The following PLA2G6 variants were observed in gnomAD, a reference collection of about 807,000 sequenced individuals.
PLA2G6 encodes the protein 85/88 kDa calcium-independent phospholipase A2.
PLA2G6 carries 62 observed loss-of-function variants against 83.8 expected under a neutral mutation model. The ratio of observed to expected loss-of-function variants is 0.74; its 90% CI spans 0.60 to 0.91. The LOEUF (loss-of-function observed/expected upper bound fraction) is 0.91. PLA2G6 is among the 40% of genes least tolerant of loss of function. The probability of loss-of-function intolerance (pLI) is 0.00; values close to 1 mark genes in which losing one functional copy is unlikely to be tolerated. For missense variants in PLA2G6, 944 were observed against 1,102.0 expected (o/e 0.86, Z 2.03); for synonymous variants, 417 against 449.8 (o/e 0.93, Z 0.92).
At chr22:38,174,920 C>A (rs4383) in intron 1 of PLA2G6, among the ~76,000 whole-genome samples, 2 of 151,862 alleles carry the variant, frequency 1.3e-5, no homozygotes, top group African/African-American at 4.8e-5. Context: ...AGCCAAGCCC[C>A]GGAAGAAGTG....
intron 2 of PLA2G6, chr22:38,148,737 C>T: frequency 5.7e-6 from 3 of 528,718 alleles, no homozygotes; most frequent in African/African-American, 2.0e-5. Flanking sequence ...ACAGAGACCA[C>T]AGTTCAGCCT....
chr22:38,115,393 C>T lies in PLA2G6; in HGVS notation c.2034+134G>A, dbSNP rs1036681144. ...CAGGTTCCAGTGAGATCAATTTGCC[C>T]TGTGTGCACATATGAATGAGTGCGT... is the stretch of plus-strand genomic sequence containing the variant. On this transcript the variant is annotated intron_variant, in intron 14 of 16. Transcript: ENST00000332509. 14 of 778,072 alleles carry T rather than the reference C, an allele frequency of 1.8e-5. No homozygotes were observed. The Admixed American group carries it at 2.0e-4, about 11-fold the overall frequency. The allele number at this position is 778,072 out of a possible 1,614,324, so 48.2% of individuals were successfully genotyped here. A position where few individuals can be genotyped will look rare whatever the true frequency, so the allele number is the denominator to read the frequency against.
At chr22:38,152,573 T>C (rs1175226734) in intron 2 of PLA2G6, among the ~76,000 whole-genome samples, 1 of 152,196 alleles carries the variant, frequency 6.6e-6, no homozygotes, top group Non-Finnish European at 1.5e-5. Context: ...TTTCTTGCCA[T>C]GTGACACTGG....
At chr22:38,164,856 C>G (rs1386729100) in intron 2 of PLA2G6, among the ~76,000 whole-genome samples, 1 of 152,160 alleles carries the variant, frequency 6.6e-6, no homozygotes, top group African/African-American at 2.4e-5. Context: ...TCCAGTGCAC[C>G]AGGCCTGCTC....
rs536842088 is a variant in PLA2G6, at chr22:38,128,894, C to G, written c.1187-464G>C. Among the ~76,000 whole-genome samples the G allele has an allele frequency of 6.2e-4, 95 of 152,374 alleles. 2 individuals carry two copies. In the South Asian group the frequency reaches 0.019, roughly 31 times the overall value. On this transcript the variant is annotated intron_variant, in intron 8 of 16. Coordinates refer to ENST00000332509, the MANE Select transcript of PLA2G6 (RefSeq NM_003560.4). The surrounding 1 kb of genome is among the most constrained non-coding windows in gnomAD (Gnocchi z 4.4). Reference sequence around the variant, plus strand: ...AGACACACACGTGTGCACTGGCACACACACACTGCTGCCATCAGGTACCTG... The same window carrying G: ...AGACACACACGTGTGCACTGGCACAGACACACTGCTGCCATCAGGTACCTG...
intron 1 of PLA2G6, among the ~76,000 whole-genome samples, chr22:38,175,137 G>A (rs956067739): frequency 9.2e-5 from 14 of 152,142 alleles, no homozygotes; most frequent in African/African-American, 3.4e-4. Flanking sequence ...CCCTTTGGAA[G>A]GTCTGTGTGA....
chr22:38,165,682 G>C (rs1008420376), intron 2 of PLA2G6, among the ~76,000 whole-genome samples: 6 of 152,034 alleles, frequency 3.9e-5, no homozygotes, highest in African/African-American at 1.2e-4. Context: ...GACCATCCTG[G>C]CTAAGAGTAG....
At chr22:38,130,193 G>C (rs1247373913) in intron 7 of PLA2G6, 2 of 181,656 alleles carry the variant, frequency 1.1e-5, no homozygotes, top group Non-Finnish European at 2.4e-5. Context: ...TCCCTGCCTA[G>C]AGAATGAAGC....
intron 1 of PLA2G6, among the ~76,000 whole-genome samples, chr22:38,172,838 AC>A (rs1214732652): frequency 6.6e-6 from 1 of 152,054 alleles, no homozygotes; most frequent in Non-Finnish European, 1.5e-5. Flanking sequence ...CAGCCTGTGT[AC>A]CCCCCACCAG....
At position 38,139,745 on chromosome 22, in the gene PLA2G6, TAA is replaced by T. The variant is rs201599183; in HGVS notation, c.797+235_797+236del. 1.8e-3 allele frequency: 958 copies of T among 531,744 alleles called. 7 individuals are homozygous for T. Among genetic ancestry groups the T allele is most frequent in the African/African-American group, 0.017 (899 of 52,560 alleles). The allele number at this position is 531,744 out of a possible 1,614,324, so 32.9% of individuals were successfully genotyped here. A position where few individuals can be genotyped will look rare whatever the true frequency, so the allele number is the denominator to read the frequency against. ...ACACCGCGCCCAGCCAGAAAAATTTTAAAGTCTCCTCCTTGCACAGCTGAACT... is the reference window on the plus strand; with the variant it reads ...ACACCGCGCCCAGCCAGAAAAATTTTAGTCTCCTCCTTGCACAGCTGAACT... On this transcript the variant is annotated intron_variant, in intron 5 of 16. Coordinates refer to ENST00000332509, the MANE Select transcript of PLA2G6 (RefSeq NM_003560.4).
rs770332365 is a variant in PLA2G6 at position 38,132,981 on chromosome 22, G to A, written c.927C>T (p.Asn309=). Residue 309 remains asparagine, a synonymous_variant, in exon 7 of 17, where the codon AAC becomes AAT. Coordinates refer to ENST00000332509, the MANE Select transcript of PLA2G6 (RefSeq NM_003560.4). This position sits in a 1 kb window ranked among gnomAD's most constrained non-coding sequence, Gnocchi z 5.0. ...TCCCCGCGGAGCTGGTGCTGTTCAC[G>A]TTGCAGCCCCGTTTCAGCAGCATGC... ...MARMLLKRGC[N]VNSTSSAGNT... 1.4e-5 allele frequency: 22 copies of A among 1,567,692 alleles called. No homozygotes were observed. The highest frequency in any genetic ancestry group is 7.1e-5 in the East Asian group (3 of 42,416).
chr22:38,145,592 G>A lies in PLA2G6; in HGVS notation c.271C>T (p.Leu91=). 6.2e-7 allele frequency: 1 copy of A among 1,613,898 alleles called. No individual in the cohort carries two copies. The highest frequency in any genetic ancestry group is 8.5e-7 in the Non-Finnish European group (1 of 1,179,902). The part of the protein sequence containing the change: ...LVNFHQYSSQ[L]LPFYESSPQV... ...GGGGAGCTCTCATAGAAGGGTAGCA[G>A]CTGGGAAGAATACTGATGGAAATTC... Residue 91 remains leucine, a synonymous_variant, in exon 3 of 17, where the codon CTG becomes TTG. Transcript: ENST00000332509.
At chr22:38,116,476 C>T (rs1297696404) in intron 12 of PLA2G6, 3 of 633,130 alleles carry the variant, frequency 4.7e-6, no homozygotes. Context: ...AAACCTGTTG[C>T]AAGACTGATA....
intron 3 of PLA2G6, chr22:38,144,917 CA>C (rs2089156726): frequency 3.2e-6 from 1 of 309,262 alleles, no homozygotes; most frequent in South Asian, 2.8e-5. Context: ...TGGGAAAATT[CA>C]ATTTCATGGT....
chr22:38,161,355 C>T (rs1046591573), intron 2 of PLA2G6, among the ~76,000 whole-genome samples: 2 of 152,134 alleles, frequency 1.3e-5, no homozygotes, highest in Non-Finnish European at 2.9e-5. Flanking sequence ...ATGGCAGAGA[C>T]AGATCATCTC....
At chr22:38,174,311 T>C (rs1355828287) in intron 1 of PLA2G6, among the ~76,000 whole-genome samples, 1 of 151,954 alleles carries the variant, frequency 6.6e-6, no homozygotes, top group African/African-American at 2.4e-5. Flanking sequence ...GGCAGGAGAA[T>C]GGCGTGAACC....
chr22:38,127,158 A>C, intron 9 of PLA2G6: 2 of 1,152,930 alleles, frequency 1.7e-6, no homozygotes, highest in Non-Finnish European at 2.2e-6. Context: ...ACAGCCCCCC[A>C]CCACTGTGCA....
intron 10 of PLA2G6, among the ~76,000 whole-genome samples, chr22:38,124,013 T>G (rs1602100323): frequency 6.6e-6 from 1 of 152,072 alleles, no homozygotes; most frequent in Non-Finnish European, 1.5e-5. Flanking sequence ...TTTTGTATTT[T>G]TAATAGAGAC....
intron 1 of PLA2G6, 62 bp from the exon 2 acceptor site, chr22:38,169,533 G>T: frequency 1.1e-6 from 1 of 945,418 alleles, no homozygotes; most frequent in African/African-American, 1.6e-5. Flanking sequence ...CTCACCCAGT[G>T]CAGCGGTTTC....
Sources: allele counts gnomAD v4.1 joint callset (sites outside exome capture counted in the v4.1 genomes callset), GRCh38; gene constraint gnomAD v4.1.1; non-coding constraint Gnocchi (gnomAD v3.1); transcripts MANE v1.5; gene names NCBI Gene and HGNC (gene_info 2026-07-23, HGNC 2026-07-21).